The following DLG2 variants were observed in gnomAD, a reference collection of about 807,000 sequenced individuals.
The protein encoded by DLG2 is discs large MAGUK scaffold protein 2.
DLG2 carries 45 observed loss-of-function variants against 132.5 expected under a neutral mutation model. The observed-to-expected ratio is 0.34, with a 90% CI of 0.27 to 0.44. The LOEUF is 0.44. Ranked by LOEUF, DLG2 falls within the 20% of genes least tolerant of loss-of-function variation. DLG2 has a pLI of 1.00. For synonymous variants in DLG2, 424 were observed against 419.6 expected, an observed-to-expected ratio of 1.01 and a Z score of -0.13; for missense variants, 1,045 against 1,196.9, an observed-to-expected ratio of 0.87 and a Z score of 1.87.
intron 6 of DLG2, among the ~76,000 whole-genome samples, chr11:85,068,800 A>G (rs975643281): frequency 2.6e-5 from 4 of 152,126 alleles, no homozygotes; most frequent in African/African-American, 9.7e-5. Flanking sequence ...GGAAAAAACT[A>G]CTTTAAAGTT....
intron 4 of DLG2, among the ~76,000 whole-genome samples, chr11:85,234,908 C>A (rs1307863232): frequency 6.6e-6 from 1 of 151,942 alleles, no homozygotes; most frequent in East Asian, 1.9e-4. Flanking sequence ...ACCACAGACA[C>A]AAATTAACCT....
chr11:85,576,160 T>C (rs1294489415), intron 3 of DLG2, among the ~76,000 whole-genome samples: 1 of 152,182 alleles, frequency 6.6e-6, no homozygotes, highest in African/African-American at 2.4e-5. Flanking sequence ...GAGATCCATA[T>C]TTTTATTCTG....
intron 6 of DLG2, among the ~76,000 whole-genome samples, chr11:84,805,667 T>G (rs2075912179): frequency 1.3e-5 from 2 of 152,210 alleles, no homozygotes; most frequent in Admixed American, 1.3e-4. Flanking sequence ...GCTCCTCCTT[T>G]GCCTGTCACA....
intron 18 of DLG2, among the ~76,000 whole-genome samples, chr11:83,731,921 A>C (rs2091081659): frequency 6.6e-6 from 1 of 152,228 alleles, no homozygotes; most frequent in African/African-American, 2.4e-5. Context: ...CCTTTAAAGC[A>C]CTTAGTACAG....
intron 19 of DLG2, among the ~76,000 whole-genome samples, chr11:83,625,770 A>C (rs187498856): frequency 6.6e-6 from 1 of 152,318 alleles, no homozygotes. Flanking sequence ...CACACAGTTT[A>C]GCAAACAAAT....
intron 21 of DLG2, among the ~76,000 whole-genome samples, chr11:83,506,652 G>A (rs189846298): frequency 6.6e-6 from 1 of 152,312 alleles, no homozygotes; most frequent in African/African-American, 2.4e-5. Flanking sequence ...GCTGATGGCA[G>A]CATGGGTTGG....
intron 6 of DLG2, among the ~76,000 whole-genome samples, chr11:85,091,096 A>G (rs2068697828): frequency 6.6e-6 from 1 of 152,200 alleles, no homozygotes; most frequent in Non-Finnish European, 1.5e-5. Context: ...ATTTGCCCCT[A>G]CAACCCAAAC....
intron 7 of DLG2, among the ~76,000 whole-genome samples, chr11:84,490,897 G>A (rs1246248402): frequency 6.6e-6 from 1 of 151,842 alleles, no homozygotes; most frequent in Non-Finnish European, 1.5e-5. Flanking sequence ...GTGTGTGTGT[G>A]TGTGTGTGTG....
intron 6 of DLG2, among the ~76,000 whole-genome samples, chr11:84,605,737 A>C (rs2099584431): frequency 6.6e-6 from 1 of 152,136 alleles, no homozygotes; most frequent in South Asian, 2.1e-4. Flanking sequence ...TTTGACATTC[A>C]TGACTCTCTG....
chr11:84,070,654 A>G (rs2096742724), intron 10 of DLG2, among the ~76,000 whole-genome samples: 1 of 152,238 alleles, frequency 6.6e-6, no homozygotes, highest in Admixed American at 6.5e-5. Context: ...TGAACATTTC[A>G]GTGAAAAGTT....
chr11:85,123,748 C>T (rs188004978), intron 5 of DLG2, among the ~76,000 whole-genome samples: 1 of 152,112 alleles, frequency 6.6e-6, no homozygotes, highest in Admixed American at 6.5e-5. Context: ...AAGGTTAGCT[C>T]GAGAACTGAA....
intron 11 of DLG2, among the ~76,000 whole-genome samples, chr11:84,007,973 A>T (rs2094657364): frequency 6.6e-6 from 1 of 151,826 alleles, no homozygotes; most frequent in Admixed American, 6.6e-5. Context: ...TGAGAGACAA[A>T]TGTAATGTAA....
chr11:84,404,376 C>T (rs1178667499), intron 7 of DLG2, among the ~76,000 whole-genome samples: 1 of 152,144 alleles, frequency 6.6e-6, no homozygotes, highest in Non-Finnish European at 1.5e-5. Flanking sequence ...CAAATACTAC[C>T]TCTTTGAGAA....
In DLG2 at chr11:84,601,621, A is replaced by T. The variant is rs555369640; in HGVS notation, c.358-66890T>A. The stretch of plus-strand genomic sequence containing the variant: ...TAGAATTGAATCTTAATCACCTACT[A>T]AAATGTTTTTAAAGAATATATAGTG... On this transcript the variant is annotated intron_variant, in intron 6 of 27. Coordinates refer to ENST00000376104, the MANE Select transcript of DLG2 (RefSeq NM_001142699.3). Among the ~76,000 whole-genome samples, 20 of 152,230 alleles carry T rather than the reference A, an allele frequency of 1.3e-4. No individual in the cohort carries two copies. The East Asian group carries it at 3.7e-3, about 28-fold the overall frequency.
intron 5 of DLG2, among the ~76,000 whole-genome samples, chr11:85,114,817 C>A (rs1241224802): frequency 6.6e-6 from 1 of 152,020 alleles, no homozygotes; most frequent in East Asian, 1.9e-4. Flanking sequence ...CCCCATCCCT[C>A]CAAAAACATG....
intron 7 of DLG2, 102 bp from the exon 8 acceptor site, chr11:84,251,393 G>A: frequency 1.2e-6 from 1 of 859,196 alleles, no homozygotes. Flanking sequence ...GGCATTTCTT[G>A]AGGACCTCTA....
At chr11:85,610,225 A>T (rs1029928869) in intron 2 of DLG2, among the ~76,000 whole-genome samples, 1 of 152,234 alleles carries the variant, frequency 6.6e-6, no homozygotes, top group Non-Finnish European at 1.5e-5. Flanking sequence ...TTAAAAGCTC[A>T]AGGCTTAGTA....
At chr11:85,545,824 T>C (rs753715595) in intron 3 of DLG2, among the ~76,000 whole-genome samples, 1 of 152,220 alleles carries the variant, frequency 6.6e-6, no homozygotes, top group African/African-American at 2.4e-5. Context: ...TTCTGTGGGA[T>C]TAGTGGTGAT....
intron 3 of DLG2, among the ~76,000 whole-genome samples, chr11:85,351,083 G>C (rs7947098): frequency 2.6e-5 from 4 of 151,882 alleles, no homozygotes; most frequent in South Asian, 2.1e-4. Context: ...CTTTTATTTC[G>C]TTGAGCAGTG....
Sources: allele counts gnomAD v4.1 joint callset (sites outside exome capture counted in the v4.1 genomes callset), GRCh38; gene constraint gnomAD v4.1.1; transcripts MANE v1.5; gene names NCBI Gene and HGNC (gene_info 2026-07-23, HGNC 2026-07-21).